ZMIZ1: variants seen among roughly 807,000 people sequenced by gnomAD.
ZMIZ1 encodes the protein zinc finger MIZ-type containing 1, also known as zinc finger MIZ domain-containing protein 1.
A neutral mutation model predicts 113.9 loss-of-function variants in ZMIZ1; 17 were observed. The ratio of observed to expected loss-of-function variants is 0.15; its 90% CI spans 0.10 to 0.22. The LOEUF (loss-of-function observed/expected upper bound fraction) is 0.22, where lower values mean the gene tolerates loss of function less well. Ranked by LOEUF, ZMIZ1 falls within the 10% of genes least tolerant of loss-of-function variation. The pLI is 1.00. For missense variants in ZMIZ1, 1,059 were observed against 1,477.8 expected (o/e 0.72, Z 4.65); for synonymous variants, 607 against 603.1 (o/e 1.01, Z -0.09).
intron 7 of ZMIZ1, among the ~76,000 whole-genome samples, chr10:79,262,611 A>G (rs1383612191): frequency 6.6e-6 from 1 of 152,274 alleles, no homozygotes; most frequent in Admixed American, 6.5e-5. Context: ...AATCTTCTAC[A>G]AAAAGAGAAA....
chr10:79,299,036 TCTC>T lies in ZMIZ1; in HGVS notation c.1667-10_1667-8del. The stretch of plus-strand genomic sequence containing the variant: ...TGAGGCTTGTGGCTCACCCACCTCC[TCTC>T]CTCGCCCCAGCCAACCACAATGACG... On this transcript the variant is annotated splice_polypyrimidine_tract_variant and intron_variant, in intron 15 of 24. Transcript: ENST00000334512. The T allele has an allele frequency of 6.3e-7, 1 of 1,598,576 alleles. No individual in the cohort carries two copies. Among genetic ancestry groups the T allele is most frequent in the African/African-American group, 1.3e-5 (1 of 74,824 alleles).
At chr10:79,289,425 C>T (rs547226995) in intron 8 of ZMIZ1, among the ~76,000 whole-genome samples, 4 of 152,240 alleles carry the variant, frequency 2.6e-5, no homozygotes, top group South Asian at 2.1e-4. Context: ...TAAAGGGCAA[C>T]GTGGAGTCAG....
At chr10:79,272,002 C>T (rs1158927798) in intron 7 of ZMIZ1, among the ~76,000 whole-genome samples, 2 of 152,180 alleles carry the variant, frequency 1.3e-5, no homozygotes, top group Admixed American at 6.5e-5. Context: ...GGCTCAGTGG[C>T]TTATGCCTGT....
chr10:79,194,012 G>C (rs1349008845), intron 4 of ZMIZ1, among the ~76,000 whole-genome samples: 1 of 152,208 alleles, frequency 6.6e-6, no homozygotes, highest in Non-Finnish European at 1.5e-5. Context: ...GGGGCTGTCT[G>C]GGATGTCCTC....
chr10:79,252,355 C>T (rs533214776), intron 7 of ZMIZ1, among the ~76,000 whole-genome samples: 1 of 152,298 alleles, frequency 6.6e-6, no homozygotes, highest in African/African-American at 2.4e-5. Context: ...AGGTGACAGC[C>T]TTTGGGATGA....
chr10:79,160,892 A>C (rs1390642980), intron 3 of ZMIZ1, among the ~76,000 whole-genome samples: 1 of 152,264 alleles, frequency 6.6e-6, no homozygotes. Context: ...ACTCCGGTGC[A>C]GAGAGGCACA....
At chr10:79,305,646 G>T in intron 21 of ZMIZ1, 45 bp downstream of exon 21, 2 of 1,596,338 alleles carry the variant, frequency 1.3e-6, no homozygotes, top group Non-Finnish European at 1.7e-6. Flanking sequence ...AGGGGACGAG[G>T]CCTGGATTAG....
intron 7 of ZMIZ1, among the ~76,000 whole-genome samples, chr10:79,222,768 T>C (rs1165950192): frequency 1.3e-5 from 2 of 152,026 alleles, no homozygotes. Flanking sequence ...CCAGGGAGCT[T>C]CTATAACAAC....
chr10:79,090,648 A>G (rs113334681), intron 1 of ZMIZ1, among the ~76,000 whole-genome samples: 1 of 152,368 alleles, frequency 6.6e-6, no homozygotes, highest in Non-Finnish European at 1.5e-5. Context: ...GGCTGGGACT[A>G]CTAGGCCAAG....
In ZMIZ1 at chr10:79,145,842, G is replaced by A. The variant is rs150906187; in HGVS notation, c.-131+6065G>A. ...CCACCTCAGCCTTCTGAATACCTGGGACTATAGATGCATTCCAGCATGCCT... is the reference window on the plus strand; with the variant it reads ...CCACCTCAGCCTTCTGAATACCTGGAACTATAGATGCATTCCAGCATGCCT... On this transcript the variant is annotated intron_variant, in intron 3 of 24. Transcript: ENST00000334512. Among the ~76,000 whole-genome samples the A allele has an allele frequency of 4.0e-3, 609 of 152,258 alleles. 4 individuals carry two copies. Among genetic ancestry groups the A allele is most frequent in the African/African-American group, 0.014 (574 of 41,538 alleles).
chr10:79,110,743 A>G (rs180674775), intron 1 of ZMIZ1, among the ~76,000 whole-genome samples: 2 of 152,224 alleles, frequency 1.3e-5, no homozygotes, highest in African/African-American at 2.4e-5. Context: ...GGGGAACATG[A>G]TGTCTTGCCT....
chr10:79,288,346 C>A (rs767588010), intron 8 of ZMIZ1, among the ~76,000 whole-genome samples: 21 of 152,186 alleles, frequency 1.4e-4, no homozygotes, highest in Non-Finnish European at 2.4e-4. Flanking sequence ...TCCCCAGTTG[C>A]CCTGGCTGCT....
At chr10:79,178,983 G>A (rs2132560375) in intron 4 of ZMIZ1, among the ~76,000 whole-genome samples, 1 of 152,350 alleles carries the variant, frequency 6.6e-6, no homozygotes, top group Admixed American at 6.5e-5. Flanking sequence ...CTCCAGAGGA[G>A]TGGGCCCATC....
rs1385159135 is a variant in ZMIZ1, at chr10:79,313,769, C to T, written c.*1020C>T. ...TCTCTCCGTCTGTTCTGTTTTTCTC[C>T]TAGTCCCTCTCCTGCCACCTCTCCA... On this transcript the variant is annotated 3_prime_UTR_variant, in exon 25 of 25. Transcript: ENST00000334512. 6 of 334,512 alleles carry T rather than the reference C, an allele frequency of 1.8e-5. No homozygotes were observed. Among genetic ancestry groups the T allele is most frequent in the Non-Finnish European group, 3.6e-5 (6 of 168,660 alleles). 20.7% of individuals were successfully genotyped at this position (334,512 alleles called of 1,614,324 possible). A position where few individuals can be genotyped will look rare whatever the true frequency, so the allele number is the denominator to read the frequency against.
intron 1 of ZMIZ1, among the ~76,000 whole-genome samples, chr10:79,113,418 G>A (rs1306415520): frequency 1.3e-5 from 2 of 152,184 alleles, no homozygotes; most frequent in African/African-American, 4.8e-5. Context: ...CGGGCAGCTA[G>A]GGTGAACCCC....
At position 79,314,605 on chromosome 10, in the gene ZMIZ1, A is replaced by G. The variant is rs1014386519; in HGVS notation, c.*1856A>G. 1 of 240,520 alleles carries G rather than the reference A, an allele frequency of 4.2e-6. No homozygotes were observed. The highest frequency in any genetic ancestry group is 8.3e-6 in the Non-Finnish European group (1 of 119,988). 14.9% of individuals were successfully genotyped at this position (240,520 alleles called of 1,614,324 possible). A position where few individuals can be genotyped will look rare whatever the true frequency, so the allele number is the denominator to read the frequency against. ...TTAGTATCGTCTTTGATAATATTCA[A>G]CATTTTCATGACCTGGTTATAGCCT... On this transcript the variant is annotated 3_prime_UTR_variant, in exon 25 of 25. Coordinates refer to ENST00000334512, the MANE Select transcript of ZMIZ1 (RefSeq NM_020338.4).
intron 21 of ZMIZ1, 36 bp from the exon 22 acceptor site, chr10:79,306,064 C>A: frequency 6.3e-7 from 1 of 1,598,310 alleles, no homozygotes. Context: ...AGCCAGGCAC[C>A]CCGGAGCCTC....
intron 4 of ZMIZ1, among the ~76,000 whole-genome samples, chr10:79,162,536 C>T (rs1846156080): frequency 6.6e-6 from 1 of 152,232 alleles, no homozygotes; most frequent in African/African-American, 2.4e-5. Flanking sequence ...CTACCCACCC[C>T]TTCTGCCCAC....
chr10:79,177,549 G>A (rs984738725), intron 4 of ZMIZ1, among the ~76,000 whole-genome samples: 4 of 152,190 alleles, frequency 2.6e-5, no homozygotes, highest in Admixed American at 6.5e-5. Flanking sequence ...AGGACTTGCC[G>A]AAACACACAC....
Sources: allele counts gnomAD v4.1 joint callset (sites outside exome capture counted in the v4.1 genomes callset), GRCh38; gene constraint gnomAD v4.1.1; transcripts MANE v1.5; gene names NCBI Gene and HGNC (gene_info 2026-07-23, HGNC 2026-07-21).